The following RHOA variants were observed in gnomAD, a reference collection of about 807,000 sequenced individuals.
The protein encoded by RHOA is transforming protein RhoA.
In RHOA, 3 loss-of-function variants were observed where a neutral mutation model predicts 17.5. That is an observed-to-expected ratio of 0.17 (90% CI 0.08 to 0.44). The LOEUF is 0.44. Ranked by LOEUF, RHOA falls within the 20% of genes least tolerant of loss-of-function variation. The pLI is 0.99. For missense variants in RHOA, 56 were observed against 242.3 expected, an observed-to-expected ratio of 0.23 and a Z score of 5.10; for synonymous variants, 98 against 88.4, an observed-to-expected ratio of 1.11 and a Z score of -0.61.
intron 2 of RHOA, among the ~76,000 whole-genome samples, chr3:49,372,650 C>T (rs2048164117): frequency 6.9e-6 from 1 of 144,764 alleles, no homozygotes; most frequent in South Asian, 2.3e-4. Flanking sequence ...AGGAGAATGG[C>T]GTGAACCCAG....
At chr3:49,368,575 G>C (rs1444460888) in intron 2 of RHOA, 27 bp from the exon 3 acceptor site, 1 of 1,613,664 alleles carries the variant, frequency 6.2e-7, no homozygotes, top group Non-Finnish European at 8.5e-7. Context: ...AACCACAAGA[G>C]TGCAAGGTTA....
intron 1 of RHOA, among the ~76,000 whole-genome samples, chr3:49,392,291 G>A (rs2048524871): frequency 2.0e-5 from 3 of 151,998 alleles, no homozygotes; most frequent in South Asian, 2.1e-4. Flanking sequence ...TTAGCCAGGC[G>A]TGTTGGTGAG....
chr3:49,369,035 T>G lies in RHOA; in HGVS notation c.157-487A>C, dbSNP rs2048107157. Among the ~76,000 whole-genome samples the G allele has an allele frequency of 4.0e-5, 4 of 101,204 alleles. No homozygotes were observed. In the East Asian group the frequency reaches 6.9e-4, roughly 17 times the overall value. 66.4% of individuals were successfully genotyped at this position (101,204 alleles called of 152,430 possible). On this transcript the variant is annotated intron_variant, in intron 2 of 4. Coordinates refer to ENST00000418115, the MANE Select transcript of RHOA (RefSeq NM_001664.4). ...TTTTTTTTTTTTTTTTTTTTTTTTT[T>G]TTTTGTTGAGACGGAGTCTTACTCT...
At chr3:49,361,174 T>C (rs560357103) in intron 4 of RHOA, 1 of 163,660 alleles carries the variant, frequency 6.1e-6, no homozygotes, top group African/African-American at 2.4e-5. Flanking sequence ...AAATCTCTAA[T>C]AAACATGGTA....
chr3:49,385,221 CT>C (rs539105194), intron 1 of RHOA, among the ~76,000 whole-genome samples: 432 of 140,502 alleles, frequency 3.1e-3, no homozygotes, highest in Middle Eastern at 3.6e-3. Flanking sequence ...GCCCCCCTAC[CT>C]TTTTTTTTTT....
intron 2 of RHOA, among the ~76,000 whole-genome samples, chr3:49,374,296 A>C (rs2048190045): frequency 6.6e-6 from 1 of 152,204 alleles, no homozygotes; most frequent in African/African-American, 2.4e-5. Context: ...TTGAACTAGT[A>C]ATCTAATACT....
chr3:49,410,972 T>C (rs565739877), intron 1 of RHOA, among the ~76,000 whole-genome samples: 1 of 152,266 alleles, frequency 6.6e-6, no homozygotes, highest in South Asian at 2.1e-4. Context: ...TGTGAACAAA[T>C]CAACTTGGAT....
intron 1 of RHOA, among the ~76,000 whole-genome samples, chr3:49,398,839 CAAAAAAAAAAAAAAAAAA>C (rs71080506): frequency 2.5e-4 from 9 of 35,662 alleles, no homozygotes; most frequent in African/African-American, 1.2e-3. Flanking sequence ...GACTCCGTCT[CAAAAAAAAAAAAAAAAAA>C]AAAAAAAAAA....
intron 1 of RHOA, among the ~76,000 whole-genome samples, chr3:49,404,334 C>A (rs1390754905): frequency 6.7e-6 from 1 of 149,148 alleles, no homozygotes; most frequent in African/African-American, 2.5e-5. Context: ...GTGGCTCACA[C>A]CCGTAATCCC....
intron 3 of RHOA, 133 bp downstream of exon 3, chr3:49,368,295 T>C: frequency 1.7e-6 from 2 of 1,148,390 alleles, no homozygotes; most frequent in Admixed American, 2.0e-5. Flanking sequence ...AATCCCAAAC[T>C]CCAGGACTCC....
chr3:49,391,863 T>C (rs1046208471), intron 1 of RHOA, among the ~76,000 whole-genome samples: 1 of 145,918 alleles, frequency 6.9e-6, no homozygotes, highest in Admixed American at 7.0e-5. Flanking sequence ...CGTTTCGATC[T>C]TGTCCCCCAG....
intron 1 of RHOA, among the ~76,000 whole-genome samples, chr3:49,404,457 C>CAA (rs901808603): frequency 6.8e-6 from 1 of 146,876 alleles, no homozygotes; most frequent in African/African-American, 2.5e-5. Context: ...CACACACACA[C>CAA]AAAATTAGCC....
chr3:49,361,950 G>C (rs185024225), intron 4 of RHOA, among the ~76,000 whole-genome samples: 1 of 152,134 alleles, frequency 6.6e-6, no homozygotes, highest in East Asian at 1.9e-4. Context: ...CACTTTGGGA[G>C]GCAAAAGTGG....
chr3:49,387,734 A>G (rs62259943), intron 1 of RHOA, among the ~76,000 whole-genome samples: 29,098 of 142,582 alleles, frequency 0.2, 3,306 homozygotes, highest in Middle Eastern at 0.28. Flanking sequence ...GCGAGACTCC[A>G]GGTCTCAAAA....
intron 1 of RHOA, among the ~76,000 whole-genome samples, chr3:49,404,773 CAA>C (rs773502375): frequency 1.5e-4 from 18 of 117,290 alleles, no homozygotes; most frequent in Non-Finnish European, 1.1e-4. Context: ...TACTAAAATA[CAA>C]AAAAAAAAAA....
chr3:49,393,278 G>C (rs374297165), intron 1 of RHOA, among the ~76,000 whole-genome samples: 11 of 152,030 alleles, frequency 7.2e-5, no homozygotes, highest in Middle Eastern at 3.2e-3. Context: ...GTATAATGGT[G>C]ATCTTCTCCT....
intron 1 of RHOA, among the ~76,000 whole-genome samples, chr3:49,392,624 G>A (rs1470407754): frequency 1.3e-5 from 2 of 152,118 alleles, no homozygotes; most frequent in African/African-American, 4.8e-5. Flanking sequence ...TGGGATTACA[G>A]GTGTGAACTA....
intron 1 of RHOA, among the ~76,000 whole-genome samples, chr3:49,406,501 G>A (rs2048834405): frequency 6.6e-6 from 1 of 152,184 alleles, no homozygotes; most frequent in Non-Finnish European, 1.5e-5. Flanking sequence ...ATCTTGGCCA[G>A]GGTAGCTCAC....
intron 1 of RHOA, 108 bp from the exon 2 acceptor site, chr3:49,375,699 C>G: frequency 8.4e-7 from 1 of 1,189,134 alleles, no homozygotes. Flanking sequence ...TATTAGCATA[C>G]TCAAATTCAA....
Sources: allele counts gnomAD v4.1 joint callset (sites outside exome capture counted in the v4.1 genomes callset), GRCh38; gene constraint gnomAD v4.1.1; transcripts MANE v1.5; gene names NCBI Gene and HGNC (gene_info 2026-07-23, HGNC 2026-07-21).